DIPK1A: variants seen among roughly 807,000 people sequenced by gnomAD.
DIPK1A encodes divergent protein kinase domain 1A.
In DIPK1A, 27 loss-of-function variants were observed where a neutral mutation model predicts 40.8. That is an observed-to-expected ratio of 0.66 (90% CI 0.49 to 0.91). The LOEUF (loss-of-function observed/expected upper bound fraction) is 0.91. Ranked by LOEUF, DIPK1A falls within the 40% of genes least tolerant of loss-of-function variation. DIPK1A has a pLI of 0.00. For missense variants in DIPK1A, 412 were observed against 505.7 expected (o/e 0.81, Z 1.78); for synonymous variants, 166 against 171.3 (o/e 0.97, Z 0.24).
intron 1 of DIPK1A, among the ~76,000 whole-genome samples, chr1:92,945,376 A>C (rs1557495995): frequency 6.6e-6 from 1 of 152,166 alleles, no homozygotes; most frequent in Non-Finnish European, 1.5e-5. Context: ...CCTGATTACA[A>C]GGAACTGATA....
At chr1:92,846,817 A>ATATATGTGTGTG (rs1553123770) in intron 4 of DIPK1A, among the ~76,000 whole-genome samples, 1 of 5,714 alleles carries the variant, frequency 1.8e-4, no homozygotes, top group African/African-American at 1.4e-3. Flanking sequence ...ATATATATAT[A>ATATATGTGTGTG]TATATATATA....
At chr1:92,879,240 C>T (rs1648268890) in intron 1 of DIPK1A, among the ~76,000 whole-genome samples, 1 of 151,880 alleles carries the variant, frequency 6.6e-6, no homozygotes, top group African/African-American at 2.4e-5. Flanking sequence ...AGTCCTGATT[C>T]AAATGAAAAC....
At chr1:92,895,598 C>G (rs896808301) in intron 1 of DIPK1A, among the ~76,000 whole-genome samples, 1 of 152,052 alleles carries the variant, frequency 6.6e-6, no homozygotes, top group Non-Finnish European at 1.5e-5. Context: ...TGGCACAAGA[C>G]AGGGATGCCC....
chr1:92,875,577 C>T (rs192111971), intron 2 of DIPK1A, among the ~76,000 whole-genome samples: 6 of 151,834 alleles, frequency 4.0e-5, no homozygotes, highest in East Asian at 1.9e-4. Flanking sequence ...ATTAGCCAGG[C>T]GTGGTAGTGC....
chr1:92,884,324 G>T (rs147871693), intron 1 of DIPK1A, among the ~76,000 whole-genome samples: 1 of 152,060 alleles, frequency 6.6e-6, no homozygotes, highest in South Asian at 2.1e-4. Context: ...GTGATGGCAC[G>T]TGCCTGTGAT....
intron 1 of DIPK1A, among the ~76,000 whole-genome samples, chr1:92,929,096 C>T (rs1342512018): frequency 6.6e-6 from 1 of 152,198 alleles, no homozygotes; most frequent in East Asian, 1.9e-4. Flanking sequence ...TCTTTGACTT[C>T]GAATATGAAC....
At position 92,842,861 on chromosome 1, in the gene DIPK1A, A is replaced by G. The variant is rs141134097; in HGVS notation, c.*522T>C. On this transcript the variant is annotated 3_prime_UTR_variant, in exon 5 of 5. Coordinates refer to ENST00000370310, the MANE Select transcript of DIPK1A (RefSeq NM_001006605.5). ...TCTGAATGAGGTTAAAAATGGGTGT[A>G]TAAGTCTTTAATACAGTAAACCATG... 6.5e-5 allele frequency: 64 copies of G among 985,710 alleles called. No homozygotes were observed. Among genetic ancestry groups the G allele is most frequent in the African/African-American group, 1.0e-4 (6 of 57,382 alleles). The allele number at this position is 985,710 out of a possible 1,614,324, so 61.1% of individuals were successfully genotyped here. A position where few individuals can be genotyped will look rare whatever the true frequency, so the allele number is the denominator to read the frequency against.
At chr1:92,933,942 G>A (rs1204909606) in intron 1 of DIPK1A, 1 of 152,182 alleles carries the variant, frequency 6.6e-6, no homozygotes, top group African/African-American at 2.4e-5. Flanking sequence ...AGGAAAGGGA[G>A]ACTAGTTAGG....
Position 92,843,615 on chromosome 1 carries a change from A to G in DIPK1A, c.1055T>C (p.Met352Thr), listed in dbSNP as rs754393113. The change falls in exon 5 of 5, where the codon ATG (methionine) becomes ACG (threonine). Residue 352 changes from methionine to threonine, a missense_variant. By Grantham distance (81) the Met-to-Thr change is moderately conservative (BLOSUM62 -1). Transcript: ENST00000370310. ...TTGTATCACTTCTGAAGTACACTTC[A>G]TTGTACTCTGATCACAGCTAGTTCT... ...DCRTSCDQSTMKCTSEVIQPN... is the reference protein window; with the variant it reads ...DCRTSCDQSTTKCTSEVIQPN... 5 of 1,551,732 alleles carry G rather than the reference A, an allele frequency of 3.2e-6. No individual in the cohort carries two copies. The highest frequency in any genetic ancestry group is 4.4e-6 in the Non-Finnish European group (5 of 1,147,022).
intron 4 of DIPK1A, chr1:92,835,126 T>C (rs1227719929): frequency 3.1e-6 from 2 of 646,014 alleles, no homozygotes; most frequent in Non-Finnish European, 5.3e-6. Context: ...TGTCCAGTGG[T>C]TTTGCCACTA....
At chr1:92,834,690 A>G in intron 4 of DIPK1A, 1 of 1,538,120 alleles carries the variant, frequency 6.5e-7, no homozygotes, top group Non-Finnish European at 9.0e-7. Context: ...TGTGTCCATC[A>G]ATGTTTTTTT....
intron 2 of DIPK1A, among the ~76,000 whole-genome samples, chr1:92,865,528 A>G (rs965624139): frequency 6.6e-6 from 1 of 152,222 alleles, no homozygotes; most frequent in Admixed American, 6.5e-5. Context: ...TACAACTTTC[A>G]TAAGTTAACA....
At chr1:92,948,710 C>CAT (rs979519232) in intron 1 of DIPK1A, among the ~76,000 whole-genome samples, 25 of 86,598 alleles carry the variant, frequency 2.9e-4, no homozygotes, top group African/African-American at 9.8e-4. Context: ...TATGTATATA[C>CAT]ACATATATTT....
intron 1 of DIPK1A, among the ~76,000 whole-genome samples, chr1:92,883,907 G>A (rs1406373401): frequency 1.3e-5 from 2 of 152,168 alleles, no homozygotes; most frequent in Non-Finnish European, 2.9e-5. Flanking sequence ...CTAGGGGTAA[G>A]GAGAAAAGCA....
intron 1 of DIPK1A, among the ~76,000 whole-genome samples, chr1:92,905,039 T>C (rs1418089928): frequency 6.6e-6 from 1 of 152,212 alleles, no homozygotes; most frequent in Non-Finnish European, 1.5e-5. Flanking sequence ...CCACATTTTC[T>C]TTATCTGTTC....
At chr1:92,857,094 T>C (rs1688010131) in intron 2 of DIPK1A, among the ~76,000 whole-genome samples, 1 of 152,156 alleles carries the variant, frequency 6.6e-6, no homozygotes, top group Admixed American at 6.5e-5. Context: ...ACATAGTATT[T>C]ATGTACCCCT....
chr1:92,926,289 C>T (rs1170964440), intron 1 of DIPK1A, among the ~76,000 whole-genome samples: 3 of 152,192 alleles, frequency 2.0e-5, no homozygotes, highest in African/African-American at 4.8e-5. Context: ...CAGAAATACA[C>T]TATCTAATTT....
At chr1:92,868,776 G>A (rs948042222) in intron 2 of DIPK1A, among the ~76,000 whole-genome samples, 22 of 152,012 alleles carry the variant, frequency 1.4e-4, no homozygotes, top group African/African-American at 5.1e-4. Flanking sequence ...GACCAGCCTG[G>A]CCAACGTGGT....
At chr1:92,938,314 C>A (rs898113758) in intron 1 of DIPK1A, among the ~76,000 whole-genome samples, 1 of 151,944 alleles carries the variant, frequency 6.6e-6, no homozygotes, top group Non-Finnish European at 1.5e-5. Flanking sequence ...GAGAATTAGC[C>A]AGCCATGGTG....
Sources: gnomAD v4.1 joint callset for allele counts (sites outside exome capture counted in the v4.1 genomes callset) on GRCh38, gnomAD v4.1.1 for gene constraint, MANE v1.5 for transcripts, NCBI Gene and HGNC (gene_info 2026-07-23, HGNC 2026-07-21) for gene names.